Variants in PAPPA2 observed in about 807,000 individuals in gnomAD.
The protein encoded by PAPPA2 is pappalysin-2.
In PAPPA2, 86 loss-of-function variants were observed where a neutral mutation model predicts 176.4. That is an observed-to-expected ratio of 0.49 (90% CI 0.41 to 0.58). The LOEUF (loss-of-function observed/expected upper bound fraction) is 0.58. Among genes scored for constraint, PAPPA2 ranks in the 20% least tolerant of loss-of-function variants. PAPPA2 has a pLI of 0.00. For missense variants in PAPPA2, 2,073 were observed against 2,256.9 expected, an observed-to-expected ratio of 0.92 and a Z score of 1.65; for synonymous variants, 809 against 852.2, an observed-to-expected ratio of 0.95 and a Z score of 0.88.
At chr1:176,651,356 T>C (rs1657708825) in intron 3 of PAPPA2, among the ~76,000 whole-genome samples, 1 of 151,590 alleles carries the variant, frequency 6.6e-6, no homozygotes, top group African/African-American at 2.4e-5. Context: ...TAGGAAATAA[T>C]TTATCTGTCC....
In PAPPA2 at chr1:176,582,084, C is replaced by T. The variant is rs563343375; in HGVS notation, c.920-12440C>T. On this transcript the variant is annotated intron_variant, in intron 2 of 22. Coordinates refer to ENST00000367662, the MANE Select transcript of PAPPA2 (RefSeq NM_020318.3). Reference sequence around the variant, plus strand: ...GACTACAGGTGCCCGCCACCACGCCCGGCTAATTTTTTTTTTGTAATTTTA... The same window carrying T: ...GACTACAGGTGCCCGCCACCACGCCTGGCTAATTTTTTTTTTGTAATTTTA... 1.4e-4 allele frequency among the ~76,000 whole-genome samples: 21 copies of T among 151,638 alleles called. No homozygotes were observed. In the East Asian group the frequency reaches 1.7e-3, roughly 13 times the overall value.
intron 21 of PAPPA2, among the ~76,000 whole-genome samples, chr1:176,802,947 A>G (rs1472529518): frequency 6.6e-6 from 1 of 152,218 alleles, no homozygotes; most frequent in Non-Finnish European, 1.5e-5. Flanking sequence ...GTCATAAGCC[A>G]GTTGTTGCTG....
intron 16 of PAPPA2, 60 bp from the exon 17 acceptor site, chr1:176,770,907 A>C (rs140031715): frequency 1.0e-5 from 15 of 1,504,824 alleles, no homozygotes; most frequent in Non-Finnish European, 1.4e-5. Context: ...TTCATCTGCT[A>C]TGATTATCTT....
intron 3 of PAPPA2, among the ~76,000 whole-genome samples, chr1:176,631,033 A>T (rs1230083509): frequency 6.6e-6 from 1 of 152,228 alleles, no homozygotes; most frequent in Non-Finnish European, 1.5e-5. Context: ...AACACCAGAC[A>T]GTTAAATGAG....
intron 1 of PAPPA2, among the ~76,000 whole-genome samples, chr1:176,497,519 C>CT (rs1319017673): frequency 6.6e-6 from 1 of 152,142 alleles, no homozygotes; most frequent in African/African-American, 2.4e-5. Flanking sequence ...CAAGGGGGAT[C>CT]TTTTTCAAAA....
At chr1:176,754,918 G>A (rs1663345891) in intron 14 of PAPPA2, among the ~76,000 whole-genome samples, 1 of 152,124 alleles carries the variant, frequency 6.6e-6, no homozygotes, top group East Asian at 1.9e-4. Context: ...GAGGAAGTCT[G>A]GAGATTGAAG....
chr1:176,594,461 C>A (rs1401591222), intron 2 of PAPPA2, 63 bp from the exon 3 acceptor site: 4 of 1,380,694 alleles, frequency 2.9e-6, no homozygotes, highest in Non-Finnish European at 4.0e-6. Flanking sequence ...TTTCTTCTCC[C>A]TTTCTCCATT....
rs60399739 is a variant in PAPPA2 at position 176,662,566 on chromosome 1, CT to C, written c.1992-8393del. ...TTTTCATGTGTATGTTGGTTCAAGC[CT>C]TTTTTTTTTTACTCTATTTTTTAAC... is the stretch of plus-strand genomic sequence containing the variant. On this transcript the variant is annotated intron_variant, in intron 3 of 22. Coordinates refer to ENST00000367662, the MANE Select transcript of PAPPA2 (RefSeq NM_020318.3). Among the ~76,000 whole-genome samples the C allele has an allele frequency of 1.3e-3, 183 of 144,056 alleles. 1 individual carries two copies. Among genetic ancestry groups the C allele is most frequent in the South Asian group, 2.2e-3 (10 of 4,534 alleles). The allele number at this position is 144,056 out of a possible 152,430, so 94.5% of individuals were successfully genotyped here.
intron 21 of PAPPA2, among the ~76,000 whole-genome samples, chr1:176,822,033 T>C (rs768989906): frequency 8.5e-5 from 13 of 152,138 alleles, no homozygotes; most frequent in Non-Finnish European, 1.8e-4. Flanking sequence ...TGTACTAAAA[T>C]CACAAGCTCC....
At chr1:176,703,985 TGG>T (rs11324372) in intron 9 of PAPPA2, among the ~76,000 whole-genome samples, 1 of 151,894 alleles carries the variant, frequency 6.6e-6, no homozygotes, top group South Asian at 2.1e-4. Context: ...GTTAATGTGC[TGG>T]GGGGGGTGGG....
Position 176,690,228 on chromosome 1 carries a change from T to C in PAPPA2, c.2229T>C (p.His743=). The C allele has an allele frequency of 4.3e-6, 7 of 1,614,050 alleles. No individual in the cohort carries two copies. The highest frequency in any genetic ancestry group is 4.2e-6 in the Non-Finnish European group (5 of 1,179,980). ...HEVGHVLGLY[H]VFKGVSERES... ...TGGGACATGTTCTGGGACTCTACCATGTCTTTAAAGGAGTCAGTGAAAGAG... is the reference window on the plus strand; with the variant it reads ...TGGGACATGTTCTGGGACTCTACCACGTCTTTAAAGGAGTCAGTGAAAGAG... The change falls in exon 5 of 23, where the codon CAT becomes CAC. Residue 743 remains histidine (H), a synonymous_variant. Coordinates refer to ENST00000367662, the MANE Select transcript of PAPPA2 (RefSeq NM_020318.3).
intron 3 of PAPPA2, among the ~76,000 whole-genome samples, chr1:176,599,268 A>C (rs2102657379): frequency 6.6e-6 from 1 of 151,956 alleles, no homozygotes; most frequent in African/African-American, 2.4e-5. Flanking sequence ...GCCTTGTTAC[A>C]CTAGGGATTT....
intron 3 of PAPPA2, among the ~76,000 whole-genome samples, chr1:176,645,004 A>G (rs977454323): frequency 2.0e-5 from 3 of 151,884 alleles, no homozygotes; most frequent in Non-Finnish European, 2.9e-5. Flanking sequence ...AGTACATGTG[A>G]TAATTAAATA....
At chr1:176,673,709 T>A (rs1659138598) in intron 4 of PAPPA2, among the ~76,000 whole-genome samples, 1 of 152,184 alleles carries the variant, frequency 6.6e-6, no homozygotes, top group Non-Finnish European at 1.5e-5. Flanking sequence ...GATAAAATAC[T>A]TTAAAAATTA....
At chr1:176,466,530 T>A (rs1651626823) in intron 1 of PAPPA2, among the ~76,000 whole-genome samples, 1 of 152,114 alleles carries the variant, frequency 6.6e-6, no homozygotes. Context: ...TCAAATGGTA[T>A]GATAAAGAGG....
intron 3 of PAPPA2, among the ~76,000 whole-genome samples, chr1:176,625,884 G>T (rs1655978561): frequency 6.6e-6 from 1 of 152,042 alleles, no homozygotes; most frequent in Non-Finnish European, 1.5e-5. Context: ...TTATCCAGAT[G>T]TAGTGGTGTG....
chr1:176,800,451 G>A (rs1665633816), intron 21 of PAPPA2, among the ~76,000 whole-genome samples: 1 of 152,126 alleles, frequency 6.6e-6, no homozygotes, highest in Admixed American at 6.6e-5. Flanking sequence ...TCAGGGTTTT[G>A]GAGACTGATG....
rs749013840 is a variant in PAPPA2, at chr1:176,556,492, G to C, written c.170G>C (p.Arg57Pro). Residue 57 changes from arginine to proline, a missense_variant, in exon 2 of 23, where the codon CGA becomes CCA. Coordinates refer to ENST00000367662, the MANE Select transcript of PAPPA2 (RefSeq NM_020318.3). ...CGTTGTTGGCTGGGGGCCAAGGTTC[G>C]AAGACCCAGAGCTTCTCCACAGCAT... Reference protein sequence around the residue: ...GERCWLGAKVRRPRASPQHHL... With the variant: ...GERCWLGAKVPRPRASPQHHL... 4 of 1,614,170 alleles carry C rather than the reference G, an allele frequency of 2.5e-6. No individual in the cohort carries two copies. Among genetic ancestry groups the C allele is most frequent in the Non-Finnish European group, 3.4e-6 (4 of 1,180,014 alleles).
chr1:176,554,072 G>A (rs1281784518), intron 1 of PAPPA2, among the ~76,000 whole-genome samples: 3 of 152,136 alleles, frequency 2.0e-5, no homozygotes, highest in Non-Finnish European at 4.4e-5. Context: ...ATGTGCCTGA[G>A]TTGATATCTT....
Sources: gnomAD v4.1 joint callset for allele counts (sites outside exome capture counted in the v4.1 genomes callset) on GRCh38, gnomAD v4.1.1 for gene constraint, MANE v1.5 for transcripts, NCBI Gene and HGNC (gene_info 2026-07-23, HGNC 2026-07-21) for gene names.